CNTNAP2: variants seen among roughly 807,000 people sequenced by gnomAD.
CNTNAP2 encodes contactin associated protein 2.
A neutral mutation model predicts 155.2 loss-of-function variants in CNTNAP2; 98 were observed. The ratio of observed to expected loss-of-function variants is 0.63; its 90% CI spans 0.54 to 0.75. The LOEUF (loss-of-function observed/expected upper bound fraction) is 0.75. CNTNAP2 is among the 30% of genes least tolerant of loss of function. The pLI, the probability that CNTNAP2 is intolerant of heterozygous loss-of-function variation, is 0.00. For missense variants in CNTNAP2, 1,727 were observed against 1,688.1 expected (o/e 1.02, Z -0.40); for synonymous variants, 651 against 631.2 (o/e 1.03, Z -0.47).
rs567328274 is a variant in CNTNAP2 at position 146,238,525 on chromosome 7, T to C, written c.97+121552T>C. On this transcript the variant is annotated intron_variant, in intron 1 of 23. Coordinates refer to ENST00000361727, the MANE Select transcript of CNTNAP2 (RefSeq NM_014141.6). ...CATGGTGAGGCACAAAAAAGCTGTATAATTATATGAATGATATTAGGTGGT... is the reference window on the plus strand; with the variant it reads ...CATGGTGAGGCACAAAAAAGCTGTACAATTATATGAATGATATTAGGTGGT... Among the ~76,000 whole-genome samples the C allele has an allele frequency of 1.9e-4, 29 of 152,278 alleles. 1 individual carries two copies. The South Asian group carries it at 5.4e-3, about 28-fold the overall frequency.
At chr7:147,657,572 C>G (rs1795544494) in intron 13 of CNTNAP2, among the ~76,000 whole-genome samples, 1 of 151,448 alleles carries the variant, frequency 6.6e-6, no homozygotes, top group Non-Finnish European at 1.5e-5. Context: ...AATATAGAAA[C>G]AAAGCAATTC....
At chr7:146,850,040 A>G (rs1355314284) in intron 3 of CNTNAP2, among the ~76,000 whole-genome samples, 1 of 152,176 alleles carries the variant, frequency 6.6e-6, no homozygotes, top group Admixed American at 6.5e-5. Context: ...TTGGGAGAGA[A>G]CTACTAGAAT....
chr7:146,175,210 A>G (rs1798452787), intron 1 of CNTNAP2, among the ~76,000 whole-genome samples: 1 of 152,192 alleles, frequency 6.6e-6, no homozygotes, highest in Non-Finnish European at 1.5e-5. Context: ...GGGGAATATA[A>G]AATGCATTTT....
intron 11 of CNTNAP2, among the ~76,000 whole-genome samples, chr7:147,547,636 C>G (rs201315749): frequency 1.3e-5 from 2 of 151,452 alleles, no homozygotes; most frequent in Non-Finnish European, 2.9e-5. Flanking sequence ...TCTAAACACA[C>G]ACACACACAC....
intron 13 of CNTNAP2, among the ~76,000 whole-genome samples, chr7:147,680,994 T>A (rs752582708): frequency 4.6e-5 from 7 of 151,742 alleles, no homozygotes; most frequent in Non-Finnish European, 7.4e-5. Flanking sequence ...ATATTTAACA[T>A]TAGAATATTT....
intron 20 of CNTNAP2, among the ~76,000 whole-genome samples, chr7:148,254,220 G>A (rs938942908): frequency 6.6e-6 from 1 of 151,970 alleles, no homozygotes; most frequent in Non-Finnish European, 1.5e-5. Context: ...TGACATCAAC[G>A]GCTCTTACCG....
chr7:146,494,801 A>G (rs933882741), intron 1 of CNTNAP2, among the ~76,000 whole-genome samples: 2 of 152,220 alleles, frequency 1.3e-5, no homozygotes, highest in African/African-American at 2.4e-5. Flanking sequence ...CATTTACTAC[A>G]TAGGCAATTT....
Position 146,382,250 on chromosome 7 carries a change from A to G in CNTNAP2, c.97+265277A>G, listed in dbSNP as rs147372783. The stretch of plus-strand genomic sequence containing the variant: ...GACTTCCAGACGTTTGCATCTTAAC[A>G]TTGCAGAAGCAGGTGCAATCGAACA... On this transcript the variant is annotated intron_variant, in intron 1 of 23. Coordinates refer to ENST00000361727, the MANE Select transcript of CNTNAP2 (RefSeq NM_014141.6). Among the ~76,000 whole-genome samples the G allele has an allele frequency of 2.0e-5, 3 of 152,316 alleles. No individual in the cohort carries two copies. In the East Asian group the frequency reaches 5.8e-4, roughly 29 times the overall value.
intron 1 of CNTNAP2, among the ~76,000 whole-genome samples, chr7:146,240,898 A>G (rs2116927287): frequency 6.6e-6 from 1 of 152,316 alleles, no homozygotes; most frequent in East Asian, 1.9e-4. Flanking sequence ...ACGCTGTACA[A>G]GTACGGTGCT....
At chr7:146,433,683 A>G (rs1485939524) in intron 1 of CNTNAP2, among the ~76,000 whole-genome samples, 2 of 152,164 alleles carry the variant, frequency 1.3e-5, no homozygotes, top group Admixed American at 6.6e-5. Flanking sequence ...ATGCTTCTCT[A>G]TACAGATGGT....
At chr7:147,674,167 G>C (rs143088530) in intron 13 of CNTNAP2, among the ~76,000 whole-genome samples, 2,495 of 152,248 alleles carry the variant, frequency 0.016, 220 homozygotes, top group Admixed American at 0.15. Context: ...GCATGCGATA[G>C]TAAGCCTCAC....
At chr7:146,991,972 C>T (rs1168807979) in intron 3 of CNTNAP2, among the ~76,000 whole-genome samples, 1 of 152,064 alleles carries the variant, frequency 6.6e-6, no homozygotes, top group Admixed American at 6.6e-5. Flanking sequence ...TGTCCCTTTA[C>T]TCACTCAGCA....
chr7:146,571,363 G>A (rs1798437308), intron 1 of CNTNAP2, among the ~76,000 whole-genome samples: 1 of 151,948 alleles, frequency 6.6e-6, no homozygotes. Context: ...CTAGTATAAT[G>A]CTATGTTTTC....
At chr7:146,416,395 A>C (rs1433416749) in intron 1 of CNTNAP2, among the ~76,000 whole-genome samples, 1 of 151,994 alleles carries the variant, frequency 6.6e-6, no homozygotes, top group African/African-American at 2.4e-5. Context: ...GTTTGCAACC[A>C]CATTACACAC....
chr7:146,851,535 G>A (rs986755509), intron 3 of CNTNAP2, among the ~76,000 whole-genome samples: 3 of 152,068 alleles, frequency 2.0e-5, no homozygotes, highest in Non-Finnish European at 4.4e-5. Flanking sequence ...ATATTGAGGG[G>A]TTGGCAGGGT....
intron 8 of CNTNAP2, among the ~76,000 whole-genome samples, chr7:147,153,560 C>G (rs1325710678): frequency 1.3e-5 from 2 of 152,054 alleles, no homozygotes; most frequent in Non-Finnish European, 2.9e-5. Context: ...AAAGCCAAAG[C>G]TAAGGCCCAA....
At chr7:146,686,269 T>C (rs1413450539) in intron 1 of CNTNAP2, among the ~76,000 whole-genome samples, 4 of 152,182 alleles carry the variant, frequency 2.6e-5, no homozygotes, top group African/African-American at 9.6e-5. Flanking sequence ...CACTCCAGCC[T>C]GAGTGACAGA....
chr7:148,159,990 G>A (rs1805487925), intron 17 of CNTNAP2, among the ~76,000 whole-genome samples: 1 of 152,092 alleles, frequency 6.6e-6, no homozygotes, highest in Admixed American at 6.5e-5. Context: ...TGTAATCCCA[G>A]CACTTTGGAA....
chr7:146,149,589 T>C (rs1002448425), intron 1 of CNTNAP2, among the ~76,000 whole-genome samples: 1 of 152,004 alleles, frequency 6.6e-6, no homozygotes, highest in Admixed American at 6.6e-5. Flanking sequence ...AGTCCAGAAC[T>C]AGATCCACGC....
Sources: allele counts gnomAD v4.1 joint callset (sites outside exome capture counted in the v4.1 genomes callset), GRCh38; gene constraint gnomAD v4.1.1; transcripts MANE v1.5; gene names NCBI Gene and HGNC (gene_info 2026-07-23, HGNC 2026-07-21).